Variants in KRT75 observed in about 807,000 individuals in gnomAD.
KRT75 encodes keratin, type II cytoskeletal 75.
KRT75 carries 35 observed loss-of-function variants against 48.8 expected under a neutral mutation model. The observed-to-expected ratio is 0.72, with a 90% CI of 0.55 to 0.95. The LOEUF (loss-of-function observed/expected upper bound fraction) is 0.95, where lower values mean the gene tolerates loss of function less well. Ranked by LOEUF, KRT75 falls within the 40% of genes least tolerant of loss-of-function variation. KRT75 has a pLI of 0.00. For missense variants in KRT75, 776 were observed against 709.9 expected (o/e 1.09, Z -1.06); for synonymous variants, 301 against 282.3 (o/e 1.07, Z -0.66).
intron 3 of KRT75, 137 bp downstream of exon 3, chr12:52,431,869 T>G (rs771082411): frequency 2.5e-5 from 22 of 873,172 alleles, no homozygotes; most frequent in Non-Finnish European, 4.2e-5. Context: ...GGGAACATGT[T>G]GGGAGGTTTG....
In KRT75 at chr12:52,424,279, G is replaced by C. The variant is rs1425582215; in HGVS notation, c.*238C>G. ...GGGCCTCGCAAGATAGGCTGAATGA[G>C]AGCCTTAGGAGAGAGCAGGCTTTGG... is the stretch of plus-strand genomic sequence containing the variant. On this transcript the variant is annotated 3_prime_UTR_variant, in exon 9 of 9. Coordinates refer to ENST00000252245, the MANE Select transcript of KRT75 (RefSeq NM_004693.3). 1.7e-6 allele frequency: 1 copy of C among 603,788 alleles called. No individual in the cohort carries two copies. The highest frequency in any genetic ancestry group is 2.8e-5 in the East Asian group (1 of 36,012). 37.4% of individuals were successfully genotyped at this position (603,788 alleles called of 1,614,324 possible). A position where few individuals can be genotyped will look rare whatever the true frequency, so the allele number is the denominator to read the frequency against.
intron 8 of KRT75, among the ~76,000 whole-genome samples, chr12:52,425,924 A>G (rs1940070860): frequency 6.6e-6 from 1 of 152,194 alleles, no homozygotes; most frequent in Non-Finnish European, 1.5e-5. Context: ...TTTCAAGAGA[A>G]AAGGAGCTTC....
chr12:52,427,129 G>T (rs568447313), intron 7 of KRT75, among the ~76,000 whole-genome samples: 3 of 152,100 alleles, frequency 2.0e-5, no homozygotes, highest in Non-Finnish European at 4.4e-5. Flanking sequence ...GATGCCTTAA[G>T]GAAATTAAAA....
rs1310815844 is a variant in KRT75, at chr12:52,434,247, T to TG, written c.57dup (p.Thr20HisfsTer140). 6.3e-7 allele frequency: 1 copy of TG among 1,588,904 alleles called. No homozygotes were observed. Among genetic ancestry groups the TG allele is most frequent in the Non-Finnish European group, 8.6e-7 (1 of 1,169,092 alleles). On this transcript the variant is annotated frameshift_variant, in exon 1 of 9. Transcript: ENST00000252245. LOFTEE classifies it high-confidence loss of function. ...CCAGCTGCCGGGGTGATGGCCGAGG[T>TG]GGTGCTGAAGCCCCTGCGGCTGCCA...
chr12:52,426,376 G>T (rs1257743482), intron 8 of KRT75, among the ~76,000 whole-genome samples: 2 of 152,254 alleles, frequency 1.3e-5, no homozygotes, highest in African/African-American at 4.8e-5. Flanking sequence ...TAGGAGAGAA[G>T]CTGCCTAGTT....
At chr12:52,425,155 G>C (rs2121512198) in intron 8 of KRT75, among the ~76,000 whole-genome samples, 1 of 152,244 alleles carries the variant, frequency 6.6e-6, no homozygotes, top group Non-Finnish European at 1.5e-5. Flanking sequence ...GCGTCTCCCA[G>C]CCCCACACTC....
In KRT75 at chr12:52,434,092, G is replaced by T. The variant is rs1940185892; in HGVS notation, c.213C>A (p.Val71=). ...SLYNLGGAKR[V]SINGCGSSCR... Reference sequence around the variant, plus strand: ...AGCTGCTGCCACACCCATTGATGGAGACCCGCTTGGCACCCCCCAGGTTGT... The same window carrying T: ...AGCTGCTGCCACACCCATTGATGGATACCCGCTTGGCACCCCCCAGGTTGT... Residue 71 remains valine, a synonymous_variant, in exon 1 of 9, where the codon GTC becomes GTA. Coordinates refer to ENST00000252245, the MANE Select transcript of KRT75 (RefSeq NM_004693.3). 2.5e-6 allele frequency: 4 copies of T among 1,614,180 alleles called. No individual in the cohort carries two copies. The highest frequency in any genetic ancestry group is 2.5e-6 in the Non-Finnish European group (3 of 1,180,034).
rs746075879 is a variant in KRT75 at position 52,426,792 on chromosome 12, G to A, written c.1417+25C>T. On this transcript the variant is annotated intron_variant, in intron 8 of 8. Coordinates refer to ENST00000252245, the MANE Select transcript of KRT75 (RefSeq NM_004693.3). ...CCCCTCTACCACACACACTCCAAAT[G>A]GCCCAAGAAGTATGTCATACTCACA... 55 of 1,612,506 alleles carry A rather than the reference G, an allele frequency of 3.4e-5. 1 individual carries two copies. The South Asian group carries it at 4.9e-4, about 14-fold the overall frequency.
intron 8 of KRT75, 111 bp from the exon 9 acceptor site, chr12:52,424,866 G>T: frequency 1.2e-6 from 1 of 861,038 alleles, no homozygotes; most frequent in Non-Finnish European, 2.0e-6. Flanking sequence ...GGTCTCGTCA[G>T]CCAGCAGTTT....
chr12:52,426,498 C>T (rs1203768712), intron 8 of KRT75, among the ~76,000 whole-genome samples: 2 of 152,206 alleles, frequency 1.3e-5, no homozygotes, highest in African/African-American at 2.4e-5. Context: ...AGGCTTGCAG[C>T]CCCAACAAAA....
intron 8 of KRT75, among the ~76,000 whole-genome samples, chr12:52,425,660 AG>A (rs1940067499): frequency 6.6e-6 from 1 of 152,194 alleles, no homozygotes; most frequent in Non-Finnish European, 1.5e-5. Context: ...AGGAGGCTGG[AG>A]GGGGGCTGGG....
Position 52,424,283 on chromosome 12 carries a change from C to T in KRT75, c.*234G>A, listed in dbSNP as rs760356916. Reference sequence around the variant, plus strand: ...CTCGCAAGATAGGCTGAATGAGAGCCTTAGGAGAGAGCAGGCTTTGGTTTC... The same window carrying T: ...CTCGCAAGATAGGCTGAATGAGAGCTTTAGGAGAGAGCAGGCTTTGGTTTC... On this transcript the variant is annotated 3_prime_UTR_variant, in exon 9 of 9. Coordinates refer to ENST00000252245, the MANE Select transcript of KRT75 (RefSeq NM_004693.3). 3.2e-6 allele frequency: 2 copies of T among 625,892 alleles called. No individual in the cohort carries two copies. Among genetic ancestry groups the T allele is most frequent in the Non-Finnish European group, 5.8e-6 (2 of 346,202 alleles). 38.8% of individuals were successfully genotyped at this position (625,892 alleles called of 1,614,324 possible). A position where few individuals can be genotyped will look rare whatever the true frequency, so the allele number is the denominator to read the frequency against.
Position 52,432,930 on chromosome 12 carries a change from C to T in KRT75, c.713+108G>A, listed in dbSNP as rs761621276. The T allele has an allele frequency of 5.1e-4, 582 of 1,141,778 alleles. 2 individuals are homozygous for T. Among genetic ancestry groups the T allele is most frequent in the Non-Finnish European group, 5.7e-4 (438 of 770,238 alleles). 70.7% of individuals were successfully genotyped at this position (1,141,778 alleles called of 1,614,324 possible). On this transcript the variant is annotated intron_variant, in intron 2 of 8. Coordinates refer to ENST00000252245, the MANE Select transcript of KRT75 (RefSeq NM_004693.3). Reference sequence around the variant, plus strand: ...ACCTTGCAGGATAAAGGCTGCAGTTCCAAAGCTCCCGGCTGATATCGGCAT... The same window carrying T: ...ACCTTGCAGGATAAAGGCTGCAGTTTCAAAGCTCCCGGCTGATATCGGCAT...
intron 4 of KRT75, 30 bp downstream of exon 4, chr12:52,431,513 G>C (rs772524203): frequency 2.7e-6 from 4 of 1,460,718 alleles, no homozygotes; most frequent in Non-Finnish European, 3.8e-6. Flanking sequence ...TCCAGACCTA[G>C]GAGAGACAGA....
In KRT75 at chr12:52,433,229, G is replaced by A. The variant is rs1592164645; in HGVS notation, c.522C>T (p.Asn174=). 1 of 1,613,994 alleles carries A rather than the reference G, an allele frequency of 6.2e-7. No individual in the cohort carries two copies. Among genetic ancestry groups the A allele is most frequent in the East Asian group, 2.2e-5 (1 of 44,864 alleles). The change falls in exon 2 of 9, where the codon AAC becomes AAT. Residue 174 remains asparagine (N), a synonymous_variant. Coordinates refer to ENST00000252245, the MANE Select transcript of KRT75 (RefSeq NM_004693.3). ...GGGCCCACTTGGTCTCCAGGACCTT[G>A]TTCTGCTGCTCCAAGAACCTCACCT... ...IDKVRFLEQQ[N]KVLETKWALL...
chr12:52,428,028 G>C, intron 7 of KRT75: 1 of 600,644 alleles, frequency 1.7e-6, no homozygotes, highest in Non-Finnish European at 2.9e-6. Flanking sequence ...CAGTTACTTA[G>C]ACCTGATCAG....
Position 52,428,322 on chromosome 12 carries a change from TTCA to T in KRT75, c.1313_1315del (p.Met438del), listed in dbSNP as rs1289417940. 1 of 1,614,128 alleles carries T rather than the reference TTCA, an allele frequency of 6.2e-7. No individual in the cohort carries two copies. Among genetic ancestry groups the T allele is most frequent in the Admixed American group, 1.7e-5 (1 of 60,026 alleles). ...CTCCACGTCCAGGGCCAGCTTGATG[TTCA>T]TCAGCTCCTGGTACTCACGCAGGAG... On this transcript the variant is annotated inframe_deletion, in exon 7 of 9. Coordinates refer to ENST00000252245, the MANE Select transcript of KRT75 (RefSeq NM_004693.3).
At chr12:52,429,364 G>A (rs985496919) in intron 5 of KRT75, among the ~76,000 whole-genome samples, 1 of 152,312 alleles carries the variant, frequency 6.6e-6, no homozygotes, top group South Asian at 2.1e-4. Context: ...CAATTTTGAA[G>A]ACTTTGTAAA....
At position 52,432,507 on chromosome 12, in the gene KRT75, G is replaced by A. The variant is rs1336992127; in HGVS notation, c.714-441C>T. ...CTTTTTGTAACTAGGGGTAGCTCAA[G>A]CTTAGAAATAAGGGCAAGCTGGCTA... On this transcript the variant is annotated intron_variant, in intron 2 of 8. Transcript: ENST00000252245. Among the ~76,000 whole-genome samples the A allele has an allele frequency of 2.6e-5, 4 of 152,194 alleles. No individual in the cohort carries two copies. The East Asian group carries it at 5.8e-4, about 22-fold the overall frequency.
Sources: gnomAD v4.1 joint callset for allele counts (sites outside exome capture counted in the v4.1 genomes callset) on GRCh38, gnomAD v4.1.1 for gene constraint, MANE v1.5 for transcripts, NCBI Gene and HGNC (gene_info 2026-07-23, HGNC 2026-07-21) for gene names.